The following LARGE1 variants were observed in gnomAD, a reference collection of about 807,000 sequenced individuals.
The protein encoded by LARGE1 is LARGE xylosyl- and glucuronyltransferase 1, also known as xylosyl- and glucuronyltransferase LARGE1.
In LARGE1, 43 loss-of-function variants were observed where a neutral mutation model predicts 87.6. The ratio of observed to expected loss-of-function variants is 0.49; its 90% CI spans 0.38 to 0.63. The LOEUF is 0.63. Ranked by LOEUF, LARGE1 falls within the 30% of genes least tolerant of loss-of-function variation. The pLI is 0.00. For synonymous variants in LARGE1, 434 were observed against 394.6 expected (o/e 1.10, Z -1.18); for missense variants, 802 against 1,000.2 (o/e 0.80, Z 2.67).
intron 4 of LARGE1, among the ~76,000 whole-genome samples, chr22:33,609,007 C>CT (rs1273765748): frequency 1.3e-5 from 2 of 152,278 alleles, no homozygotes; most frequent in Non-Finnish European, 2.9e-5. Flanking sequence ...TATGATACTG[C>CT]TTTTTTTCTC....
intron 1 of LARGE1, among the ~76,000 whole-genome samples, chr22:33,861,991 TG>T (rs969478128): frequency 5.3e-5 from 8 of 151,458 alleles, no homozygotes; most frequent in Admixed American, 2.6e-4. Context: ...CCCGAGTAGC[TG>T]GGATTACAGG....
At chr22:33,611,699 G>A (rs2079434092) in intron 4 of LARGE1, among the ~76,000 whole-genome samples, 1 of 152,178 alleles carries the variant, frequency 6.6e-6, no homozygotes, top group Non-Finnish European at 1.5e-5. Flanking sequence ...GAAATGTGAG[G>A]AGGACATGAC....
At position 33,486,273 on chromosome 22, in the gene LARGE1, C is replaced by T. The variant is rs74654528; in HGVS notation, c.788-54008G>A. Among the ~76,000 whole-genome samples, 100 of 152,320 alleles carry T rather than the reference C, an allele frequency of 6.6e-4. 1 individual carries two copies. The highest frequency in any genetic ancestry group is 1.3e-3 in the Non-Finnish European group (87 of 68,032). On this transcript the variant is annotated intron_variant, in intron 6 of 14. Coordinates refer to ENST00000397394, the MANE Select transcript of LARGE1 (RefSeq NM_133642.5). Reference sequence around the variant, plus strand: ...CATCTCTTTGTTCGAAGAGATCATACAGCCTCTACAGAGAAGACAGCATGA... The same window carrying T: ...CATCTCTTTGTTCGAAGAGATCATATAGCCTCTACAGAGAAGACAGCATGA...
intron 6 of LARGE1, among the ~76,000 whole-genome samples, chr22:33,526,676 G>T (rs546493013): frequency 6.6e-6 from 1 of 152,250 alleles, no homozygotes; most frequent in African/African-American, 2.4e-5. Context: ...TCCATCAACT[G>T]CAAAGGCTGT....
In LARGE1 at chr22:33,466,043, A is replaced by T. The variant is rs142232075; in HGVS notation, c.788-33778T>A. Among the ~76,000 whole-genome samples, 5 of 152,074 alleles carry T rather than the reference A, an allele frequency of 3.3e-5. No homozygotes were observed. The East Asian group carries it at 9.7e-4, about 29-fold the overall frequency. Reference sequence around the variant, plus strand: ...TTACTGTGGTAGCCTATACGTCCCTACCCAATATGTCCCCGCTCATTTCCA... The same window carrying T: ...TTACTGTGGTAGCCTATACGTCCCTTCCCAATATGTCCCCGCTCATTTCCA... On this transcript the variant is annotated intron_variant, in intron 6 of 14. Transcript: ENST00000397394.
intron 4 of LARGE1, among the ~76,000 whole-genome samples, chr22:33,610,100 A>G (rs1379558630): frequency 6.6e-6 from 1 of 152,154 alleles, no homozygotes; most frequent in East Asian, 1.9e-4. Flanking sequence ...TAAATTATCC[A>G]GTCATAGGTG....
intron 2 of LARGE1, among the ~76,000 whole-genome samples, chr22:33,740,718 C>T (rs1032375945): frequency 1.3e-5 from 2 of 152,174 alleles, no homozygotes; most frequent in Non-Finnish European, 2.9e-5. Flanking sequence ...AAGAAAGGTG[C>T]AAACCAAACC....
chr22:33,183,623 C>A (rs1923301847), intron 11 of LARGE1, among the ~76,000 whole-genome samples: 1 of 92,912 alleles, frequency 1.1e-5, no homozygotes, highest in Non-Finnish European at 2.7e-5. Flanking sequence ...CACACACGCA[C>A]ACACACACAC....
intron 1 of LARGE1, among the ~76,000 whole-genome samples, chr22:33,846,774 G>A (rs1319886678): frequency 6.6e-6 from 1 of 152,142 alleles, no homozygotes; most frequent in Non-Finnish European, 1.5e-5. Flanking sequence ...GTCTCCCATA[G>A]CGCTCCCAGG....
chr22:33,843,440 A>AAAAAAAATAAAT (rs71320994), intron 1 of LARGE1, among the ~76,000 whole-genome samples: 12 of 146,536 alleles, frequency 8.2e-5, no homozygotes, highest in African/African-American at 3.1e-4. Flanking sequence ...CCCTCTCAAA[A>AAAAAAAATAAAT]AAATAAATAA....
At chr22:33,125,225 G>T in the LARGE1 span, among the ~76,000 whole-genome samples, 2 of 152,124 alleles carry the variant, frequency 1.3e-5, no homozygotes, top group Non-Finnish European at 2.9e-5. Context: ...CTGGAGATGA[G>T]TCCCGCCTGC....
At chr22:33,911,795 A>T (rs2065646192) in intron 1 of LARGE1, among the ~76,000 whole-genome samples, 1 of 152,028 alleles carries the variant, frequency 6.6e-6, no homozygotes, top group Non-Finnish European at 1.5e-5. Context: ...CACAACAATG[A>T]TCCTTCAGAG....
intron 12 of LARGE1, among the ~76,000 whole-genome samples, chr22:33,300,592 G>A (rs1419176644): frequency 6.6e-6 from 1 of 152,116 alleles, no homozygotes; most frequent in African/African-American, 2.4e-5. Context: ...CCAGGCTGGA[G>A]TGCAGTGGTG....
rs1350220429 is a variant in LARGE1, at chr22:33,361,753, C to CTTTAGAGTCCCTCCTA, written c.1131+20165_1131+20166insTAGGAGGGACTCTAAA. On this transcript the variant is annotated intron_variant, in intron 9 of 14. Transcript: ENST00000397394. ...GTCCCTCCTCTTTAGAGTCCCTCCT[C>CTTTAGAGTCCCTCCTA]TTTAGAGTCCCTCCTCTTGCTCTGT... Among the ~76,000 whole-genome samples the CTTTAGAGTCCCTCCTA allele has an allele frequency of 4.0e-5, 6 of 149,802 alleles. No individual in the cohort carries two copies. In the East Asian group the frequency reaches 7.8e-4, roughly 19 times the overall value.
chr22:33,112,869 C>T, the LARGE1 span, among the ~76,000 whole-genome samples: 1 of 152,150 alleles, frequency 6.6e-6, no homozygotes, highest in African/African-American at 2.4e-5. Flanking sequence ...CACCCCTAAC[C>T]GTAGTCCTCT....
At chr22:33,412,131 A>C (rs928578152) in intron 7 of LARGE1, among the ~76,000 whole-genome samples, 3 of 152,150 alleles carry the variant, frequency 2.0e-5, no homozygotes, top group Admixed American at 2.0e-4. Context: ...TAAAAGTACA[A>C]AAATTAGCCA....
At chr22:33,842,078 T>C (rs967546371) in intron 1 of LARGE1, among the ~76,000 whole-genome samples, 4 of 152,240 alleles carry the variant, frequency 2.6e-5, no homozygotes, top group Non-Finnish European at 5.9e-5. Flanking sequence ...GTTACTGTTA[T>C]CGAAATCGAA....
chr22:33,177,725 C>T (rs377533336), intron 11 of LARGE1, among the ~76,000 whole-genome samples: 5 of 152,280 alleles, frequency 3.3e-5, no homozygotes, highest in Non-Finnish European at 7.4e-5. Flanking sequence ...GAAACCACTT[C>T]GTGTGAAAAG....
At chr22:33,855,134 A>C (rs2146538434) in intron 1 of LARGE1, among the ~76,000 whole-genome samples, 1 of 152,272 alleles carries the variant, frequency 6.6e-6, no homozygotes, top group African/African-American at 2.4e-5. Flanking sequence ...GGAGACCGAG[A>C]CCATCCTGGC....
Sources: gnomAD v4.1 joint callset for allele counts (sites outside exome capture counted in the v4.1 genomes callset) on GRCh38, gnomAD v4.1.1 for gene constraint, MANE v1.5 for transcripts, NCBI Gene and HGNC (gene_info 2026-07-23, HGNC 2026-07-21) for gene names.